The following SUMF1 variants were observed in gnomAD, a reference collection of about 807,000 sequenced individuals.
SUMF1 encodes the protein formylglycine-generating enzyme.
In SUMF1, 48 loss-of-function variants were observed where a neutral mutation model predicts 47.6. The ratio of observed to expected loss-of-function variants is 1.01; its 90% CI spans 0.80 to 1.28. The LOEUF (loss-of-function observed/expected upper bound fraction) is 1.28, where lower values mean the gene tolerates loss of function less well. Among genes scored for constraint, SUMF1 ranks in the 50% most tolerant of loss-of-function variants. SUMF1 has a pLI of 0.00. For synonymous variants in SUMF1, 230 were observed against 192.1 expected (o/e 1.20, Z -1.63); for missense variants, 571 against 485.4 (o/e 1.18, Z -1.66).
intron 8 of SUMF1, among the ~76,000 whole-genome samples, chr3:4,097,048 T>C (rs1692921658): frequency 6.6e-6 from 1 of 152,186 alleles, no homozygotes; most frequent in African/African-American, 2.4e-5. Flanking sequence ...GACTAACAAT[T>C]TTCAACTTCA....
intron 8 of SUMF1, among the ~76,000 whole-genome samples, chr3:4,122,380 G>A (rs183824499): frequency 1.3e-5 from 2 of 152,240 alleles, no homozygotes; most frequent in East Asian, 3.9e-4. Context: ...ATTGGTGGTG[G>A]CTAGGGTTCA....
chr3:4,379,857 A>G (rs1700447254), intron 7 of SUMF1, among the ~76,000 whole-genome samples: 1 of 152,060 alleles, frequency 6.6e-6, no homozygotes, highest in Admixed American at 6.5e-5. Context: ...AAAAAAAAAA[A>G]AAAAAAAAGA....
At chr3:4,360,111 G>A (rs2125170406), downstream of SUMF1, among the ~76,000 whole-genome samples, 1 of 151,488 alleles carries the variant, frequency 6.6e-6, no homozygotes, top group East Asian at 1.9e-4. Context: ...GCAGGCGGGA[G>A]GTAACAAGTA....
intron 7 of SUMF1, among the ~76,000 whole-genome samples, chr3:4,405,939 T>C (rs888694474): frequency 2.0e-5 from 3 of 152,070 alleles, no homozygotes; most frequent in Non-Finnish European, 4.4e-5. Context: ...AGAGAATGAG[T>C]ATGTGATAAG....
chr3:4,127,384 T>G (rs1447497869), intron 8 of SUMF1, among the ~76,000 whole-genome samples: 1 of 152,130 alleles, frequency 6.6e-6, no homozygotes, highest in Non-Finnish European at 1.5e-5. Context: ...CAAAGGAGAT[T>G]AACATTTGAG....
intron 8 of SUMF1, among the ~76,000 whole-genome samples, chr3:4,216,746 A>C (rs1176060809): frequency 6.6e-6 from 1 of 152,256 alleles, no homozygotes. Context: ...TTATGCAGTC[A>C]ACAAACATAT....
intron 7 of SUMF1, among the ~76,000 whole-genome samples, chr3:4,378,885 G>A (rs2124861696): frequency 6.6e-6 from 1 of 152,324 alleles, no homozygotes; most frequent in Middle Eastern, 3.4e-3. Context: ...CTAGGAACAA[G>A]AAGGAGTTGA....
intron 8 of SUMF1, among the ~76,000 whole-genome samples, chr3:4,148,131 A>C (rs1344671801): frequency 6.6e-6 from 1 of 152,178 alleles, no homozygotes; most frequent in Non-Finnish European, 1.5e-5. Flanking sequence ...TTGAACAAAC[A>C]TTTCTTTTAA....
intron 8 of SUMF1, among the ~76,000 whole-genome samples, chr3:4,218,579 T>C (rs192970180): frequency 2.0e-5 from 3 of 152,260 alleles, no homozygotes; most frequent in East Asian, 1.9e-4. Flanking sequence ...CACTAAACTG[T>C]GGGCATTCAG....
chr3:4,244,875 T>G (rs1696626501), intron 8 of SUMF1, among the ~76,000 whole-genome samples: 1 of 151,798 alleles, frequency 6.6e-6, no homozygotes. Flanking sequence ...CATACACCAG[T>G]CAAACATAGA....
intron 8 of SUMF1, chr3:4,229,288 A>C (rs1372044493): frequency 2.4e-5 from 9 of 369,128 alleles, no homozygotes; most frequent in African/African-American, 1.3e-4. Flanking sequence ...TATGCTAGCA[A>C]CTAGGTGTGT....
intron 3 of SUMF1, among the ~76,000 whole-genome samples, chr3:4,447,999 G>A (rs1702839991): frequency 6.6e-6 from 1 of 151,878 alleles, no homozygotes; most frequent in African/African-American, 2.4e-5. Flanking sequence ...CCAAGCTGCT[G>A]GCTAATCAAC....
At chr3:4,296,204 G>A (rs947901161) in intron 8 of SUMF1, among the ~76,000 whole-genome samples, 3 of 150,794 alleles carry the variant, frequency 2.0e-5, no homozygotes, top group Non-Finnish European at 4.4e-5. Flanking sequence ...CCACCAGATA[G>A]AAATTTCTTA....
chr3:4,141,452 C>T (rs1383639072), intron 8 of SUMF1, among the ~76,000 whole-genome samples: 1 of 152,092 alleles, frequency 6.6e-6, no homozygotes, highest in African/African-American at 2.4e-5. Flanking sequence ...CAAAAGCTGG[C>T]CTCCCAGGAA....
At chr3:4,347,894 C>T (rs567909967) in intron 8 of SUMF1, among the ~76,000 whole-genome samples, 29 of 152,128 alleles carry the variant, frequency 1.9e-4, no homozygotes, top group Non-Finnish European at 2.9e-4. Context: ...CAACAACAGG[C>T]TAACAGAGAG....
chr3:4,230,224 G>A (rs73806959), intron 8 of SUMF1, among the ~76,000 whole-genome samples: 4,258 of 152,006 alleles, frequency 0.028, 182 homozygotes, highest in African/African-American at 0.094. Context: ...TTGTCCTGCA[G>A]TCCAACTCAA....
intron 1 of SUMF1, among the ~76,000 whole-genome samples, chr3:4,455,727 A>T (rs1236307934): frequency 6.6e-6 from 1 of 152,080 alleles, no homozygotes; most frequent in Non-Finnish European, 1.5e-5. Context: ...AAATAATAAT[A>T]ATAATAATAA....
At chr3:4,200,408 A>G (rs1415954360) in intron 8 of SUMF1, among the ~76,000 whole-genome samples, 1 of 152,084 alleles carries the variant, frequency 6.6e-6, no homozygotes, top group Non-Finnish European at 1.5e-5. Context: ...ACAAAAAGGC[A>G]GAGGAATGGT....
At chr3:4,456,790 G>GTGTA (rs2079636437) in intron 1 of SUMF1, among the ~76,000 whole-genome samples, 1 of 2,274 alleles carries the variant, frequency 4.4e-4, no homozygotes, top group African/African-American at 1.1e-3. Flanking sequence ...ACGTGTGTGT[G>GTGTA]TATATATACG....
Sources: gnomAD v4.1 joint callset for allele counts (sites outside exome capture counted in the v4.1 genomes callset) on GRCh38, gnomAD v4.1.1 for gene constraint, MANE v1.5 for transcripts, NCBI Gene and HGNC (gene_info 2026-07-23, HGNC 2026-07-21) for gene names.